MAPT: variants seen among roughly 807,000 people sequenced by gnomAD.
The protein encoded by MAPT is microtubule associated protein tau.
A neutral mutation model predicts 67.9 loss-of-function variants in MAPT; 34 were observed. The observed-to-expected ratio is 0.50, with a 90% CI of 0.38 to 0.67. The LOEUF is 0.67. Ranked by LOEUF, MAPT falls within the 30% of genes least tolerant of loss-of-function variation. MAPT has a pLI of 0.00. For missense variants in MAPT, 881 were observed against 1,115.2 expected, an observed-to-expected ratio of 0.79 and a Z score of 2.99; for synonymous variants, 456 against 464.5, an observed-to-expected ratio of 0.98 and a Z score of 0.23.
rs1366940491 is a variant in MAPT, at chr17:45,972,742, T to C, written c.220+797T>C. 1.9e-5 allele frequency: 3 copies of C among 154,492 alleles called. No homozygotes were observed. In the East Asian group the frequency reaches 5.7e-4, roughly 29 times the overall value. The allele number at this position is 154,492 out of a possible 1,614,324, so 9.6% of individuals were successfully genotyped here. A position where few individuals can be genotyped will look rare whatever the true frequency, so the allele number is the denominator to read the frequency against. ...CTGCTGCACTTCCAGGCATCACATC[T>C]GCCTTTGAAGCAGGAACAAGTTGCA... is the stretch of plus-strand genomic sequence containing the variant. On this transcript the variant is annotated intron_variant, in intron 3 of 12. Transcript: ENST00000262410.
rs568154037 is a variant in MAPT, at chr17:45,936,456, C to T, written c.-17-25865C>T. Among the ~76,000 whole-genome samples the T allele has an allele frequency of 1.5e-4, 23 of 152,360 alleles. No individual in the cohort carries two copies. In the South Asian group the frequency reaches 2.5e-3, roughly 16 times the overall value. On this transcript the variant is annotated intron_variant, in intron 1 of 12. Coordinates refer to ENST00000262410, the MANE Select transcript of MAPT (RefSeq NM_001377265.1). ...GGGACACTCACGTAGCCTCCAAGCA[C>T]AGCATCAATAATGCATTCTGTGCTT...
chr17:45,932,594 C>CA (rs982542546), intron 1 of MAPT, among the ~76,000 whole-genome samples: 15,084 of 49,320 alleles, frequency 0.31, 2,238 homozygotes, highest in Non-Finnish European at 0.4. Flanking sequence ...GACTCCATCT[C>CA]AAAAAAAAAA....
chr17:45,936,790 C>T (rs575359301), intron 1 of MAPT, among the ~76,000 whole-genome samples: 4 of 152,360 alleles, frequency 2.6e-5, no homozygotes, highest in African/African-American at 9.6e-5. Context: ...TAACGATCCA[C>T]ATCTGGACAT....
At chr17:45,894,830 C>G (rs1181466219) in intron 1 of MAPT, 144 bp downstream of exon 1, 4 of 152,466 alleles carry the variant, frequency 2.6e-5, no homozygotes, top group Non-Finnish European at 4.4e-5. Context: ...CCCTGCCTCC[C>G]CTGCTCGGGG....
Position 46,026,945 on chromosome 17 carries a change from GGCAGCTTCGTGT to G in MAPT, c.*2781_*2792del, listed in dbSNP as rs1480226637. On this transcript the variant is annotated 3_prime_UTR_variant, in exon 13 of 13. Transcript: ENST00000262410. The stretch of plus-strand genomic sequence containing the variant: ...GAAATCCAGGGCCTCCCCTGGGGCT[GGCAGCTTCGTGT>G]GCAGCTAGAGCTTTACCTGAAAGGA... The G allele has an allele frequency of 6.6e-6, 1 of 152,214 alleles. No individual in the cohort carries two copies. Among genetic ancestry groups the G allele is most frequent in the Non-Finnish European group, 1.5e-5 (1 of 68,078 alleles). 9.4% of individuals were successfully genotyped at this position (152,214 alleles called of 1,614,324 possible).
intron 1 of MAPT, among the ~76,000 whole-genome samples, chr17:45,921,456 A>G (rs767057): frequency 0.14 from 21,836 of 152,132 alleles, 2,141 homozygotes; most frequent in Middle Eastern, 0.22. Flanking sequence ...ACCAGCCTGG[A>G]TCAGGACAGC....
Position 45,989,925 on chromosome 17 carries a change from T to C in MAPT, c.1455T>C (p.Leu485=). 2 of 1,614,174 alleles carry C rather than the reference T, an allele frequency of 1.2e-6. No homozygotes were observed. Among genetic ancestry groups the C allele is most frequent in the African/African-American group, 1.3e-5 (1 of 75,036 alleles). The stretch of plus-strand genomic sequence containing the variant: ...AAACCTTGAAAAATAGGCCTTGCCT[T>C]AGCCCCAAACACCCCACTCCTGGTA... ...SAKTLKNRPC[L]SPKHPTPGSS... The change falls in exon 7 of 13, where the codon CTT becomes CTC. Residue 485 remains leucine, a synonymous_variant. Transcript: ENST00000262410.
chr17:45,895,046 G>GGTGTGT (rs1404998774), intron 1 of MAPT: 17 of 134,156 alleles, frequency 1.3e-4, no homozygotes, highest in African/African-American at 5.1e-4. Context: ...TGCCGCAATG[G>GGTGTGT]GCGTGTGTGT....
intron 5 of MAPT, among the ~76,000 whole-genome samples, chr17:45,986,535 G>A (rs1283519060): frequency 6.6e-6 from 1 of 152,206 alleles, no homozygotes; most frequent in African/African-American, 2.4e-5. Flanking sequence ...GCCAAGCCTG[G>A]CTGCAGTGTG....
chr17:45,897,320 G>A lies in MAPT; in HGVS notation c.-18+2634G>A, dbSNP rs910076564. The A allele has an allele frequency of 1.3e-5, 2 of 152,274 alleles. No homozygotes were observed. Among genetic ancestry groups the A allele is most frequent in the Non-Finnish European group, 2.9e-5 (2 of 68,062 alleles). 9.4% of individuals were successfully genotyped at this position (152,274 alleles called of 1,614,324 possible). A position where few individuals can be genotyped will look rare whatever the true frequency, so the allele number is the denominator to read the frequency against. ...TTTGGAGGAAAGGGAGCCCGGTGGG[G>A]ATGAGCGCATTTAGCCCAATGCTGG... On this transcript the variant is annotated intron_variant, in intron 1 of 12. Coordinates refer to ENST00000262410, the MANE Select transcript of MAPT (RefSeq NM_001377265.1). The surrounding 1 kb of genome is among the most constrained non-coding windows in gnomAD (Gnocchi z 5.0).
intron 5 of MAPT, among the ~76,000 whole-genome samples, chr17:45,986,249 C>T (rs1381808370): frequency 1.3e-5 from 2 of 152,184 alleles, no homozygotes; most frequent in Admixed American, 6.5e-5. Flanking sequence ...GGGCTTGGCT[C>T]GTCTCAGAGC....
intron 9 of MAPT, among the ~76,000 whole-genome samples, chr17:45,998,369 C>T (rs1432187139): frequency 2.0e-5 from 3 of 152,138 alleles, no homozygotes; most frequent in South Asian, 4.1e-4. Context: ...TGCATCAGGC[C>T]TCTTTTGAGA....
At chr17:45,941,729 T>TCCTTCCTGCCTTCCTTCCTTCCTG (rs2068002145) in intron 1 of MAPT, among the ~76,000 whole-genome samples, 1 of 126,678 alleles carries the variant, frequency 7.9e-6, no homozygotes, top group Admixed American at 8.4e-5. Context: ...CTTCCTTCCT[T>TCCTTCCTGCCTTCCTTCCTTCCTG]CCTTCCTTCC....
intron 1 of MAPT, among the ~76,000 whole-genome samples, chr17:45,910,463 G>A (rs2064690192): frequency 6.6e-6 from 1 of 151,946 alleles, no homozygotes; most frequent in South Asian, 2.1e-4. Context: ...CTGGGGCATG[G>A]TCTTCCCCCT....
At chr17:45,946,854 G>A (rs984153117) in intron 1 of MAPT, among the ~76,000 whole-genome samples, 2 of 152,004 alleles carry the variant, frequency 1.3e-5, no homozygotes, top group African/African-American at 2.4e-5. Flanking sequence ...TCTCATGACA[G>A]TGGGCATTAG....
rs572043889 is a variant in MAPT at position 45,960,381 on chromosome 17, C to T, written c.-17-1940C>T. ...CACTCCCTACTGAGTGCCTCACTCC[C>T]GTACAGCCCCCATAGAGGAAGAGGG... On this transcript the variant is annotated intron_variant, in intron 1 of 12. Coordinates refer to ENST00000262410, the MANE Select transcript of MAPT (RefSeq NM_001377265.1). Among the ~76,000 whole-genome samples the T allele has an allele frequency of 7.2e-5, 11 of 152,358 alleles. No homozygotes were observed. In the East Asian group the frequency reaches 7.7e-4, roughly 11 times the overall value.
chr17:45,994,479 G>C (rs1261731708), intron 8 of MAPT, among the ~76,000 whole-genome samples: 1 of 152,080 alleles, frequency 6.6e-6, no homozygotes, highest in Non-Finnish European at 1.5e-5. Context: ...GAAAATAAGA[G>C]GCTTCGTTTG....
intron 1 of MAPT, among the ~76,000 whole-genome samples, chr17:45,956,587 TA>T (rs1568230961): frequency 0.01 from 77 of 7,686 alleles, 2 homozygotes; most frequent in African/African-American, 0.015. Flanking sequence ...TATATATATA[TA>T]TATATATATA....
chr17:45,981,857 T>C (rs2072983628), intron 4 of MAPT, among the ~76,000 whole-genome samples: 1 of 151,618 alleles, frequency 6.6e-6, no homozygotes, highest in Non-Finnish European at 1.5e-5. Context: ...TCCACAAAAA[T>C]GAAAAATAAC....
Sources: allele counts gnomAD v4.1 joint callset (sites outside exome capture counted in the v4.1 genomes callset), GRCh38; gene constraint gnomAD v4.1.1; non-coding constraint Gnocchi (gnomAD v3.1); transcripts MANE v1.5; gene names NCBI Gene and HGNC (gene_info 2026-07-23, HGNC 2026-07-21).